HPSE2: variants seen among roughly 807,000 people sequenced by gnomAD.
HPSE2 encodes the protein heparanase 2 (inactive).
Under a neutral mutation model 60.5 loss-of-function variants are expected in HPSE2, and 38 were observed. The observed-to-expected ratio is 0.63, with a 90% CI of 0.48 to 0.82. HPSE2 has a LOEUF of 0.82. Ranked by LOEUF, HPSE2 falls within the 40% of genes least tolerant of loss-of-function variation. The pLI, the probability that HPSE2 is intolerant of heterozygous loss-of-function variation, is 0.00. For missense variants in HPSE2, 713 were observed against 740.4 expected (o/e 0.96, Z 0.43); for synonymous variants, 295 against 293.2 (o/e 1.01, Z -0.06).
chr10:98,497,913 T>C (rs1184872452), intron 9 of HPSE2, among the ~76,000 whole-genome samples: 4 of 152,246 alleles, frequency 2.6e-5, no homozygotes, highest in African/African-American at 9.6e-5. Context: ...AGGATGCTTA[T>C]AGAAGTCATG....
In HPSE2 at chr10:98,721,694, C is replaced by T. The variant is rs1420529649; in HGVS notation, c.919G>A (p.Gly307Arg). Reference protein sequence around the residue: ...SRASLYGPNIGRPRKNVIALL... With the variant: ...SRASLYGPNIRRPRKNVIALL... Reference sequence around the variant, plus strand: ...GCGATGACATTCTTCCTCGGCCGCCCAATATTAGGGCCATATAAGCTGGCT... The same window carrying T: ...GCGATGACATTCTTCCTCGGCCGCCTAATATTAGGGCCATATAAGCTGGCT... Residue 307 changes from glycine to arginine, a missense_variant, in exon 5 of 12, where the codon GGG becomes AGG. Physicochemically the swap from Gly to Arg is moderately radical, Grantham distance 125. Transcript: ENST00000370552. 2 of 1,613,578 alleles carry T rather than the reference C, an allele frequency of 1.2e-6. No individual in the cohort carries two copies. Among genetic ancestry groups the T allele is most frequent in the Non-Finnish European group, 1.7e-6 (2 of 1,179,848 alleles).
At chr10:99,109,429 G>A (rs1297258552) in intron 3 of HPSE2, among the ~76,000 whole-genome samples, 1 of 152,066 alleles carries the variant, frequency 6.6e-6, no homozygotes, top group East Asian at 1.9e-4. Context: ...AGTACTAAAT[G>A]CTAAAATGAT....
At chr10:99,173,424 A>G (rs1847394882) in intron 2 of HPSE2, among the ~76,000 whole-genome samples, 1 of 152,170 alleles carries the variant, frequency 6.6e-6, no homozygotes, top group South Asian at 2.1e-4. Context: ...AAATACTTCA[A>G]AGTTTTCCTT....
At chr10:98,475,313 G>C (rs1940962587) in intron 11 of HPSE2, among the ~76,000 whole-genome samples, 1 of 151,910 alleles carries the variant, frequency 6.6e-6, no homozygotes, top group Non-Finnish European at 1.5e-5. Context: ...GTACAGACGG[G>C]GTTTCACCAT....
At chr10:98,914,033 G>A (rs550265454) in intron 3 of HPSE2, among the ~76,000 whole-genome samples, 1 of 152,124 alleles carries the variant, frequency 6.6e-6, no homozygotes, top group Admixed American at 6.5e-5. Context: ...AAAAATAAGA[G>A]GTTGATATGG....
intron 3 of HPSE2, among the ~76,000 whole-genome samples, chr10:98,985,198 C>A (rs1956311269): frequency 6.6e-6 from 1 of 152,058 alleles, no homozygotes; most frequent in Admixed American, 6.6e-5. Context: ...GTCAGATTCA[C>A]CAAAGTTGAA....
chr10:98,970,119 A>G (rs375803030), intron 3 of HPSE2, among the ~76,000 whole-genome samples: 172 of 152,092 alleles, frequency 1.1e-3, no homozygotes, highest in African/African-American at 4.0e-3. Flanking sequence ...CCGCCACCAC[A>G]CCAGGCTAAT....
In HPSE2 at chr10:99,181,397, C is replaced by CAAAAAAA. The variant is rs58049545; in HGVS notation, c.449-37005_449-36999dup. Among the ~76,000 whole-genome samples the CAAAAAAA allele has an allele frequency of 4.7e-4, 49 of 104,752 alleles. 2 individuals are homozygous for CAAAAAAA. Among genetic ancestry groups the CAAAAAAA allele is most frequent in the Middle Eastern group, 9.9e-3 (2 of 202 alleles). The allele number at this position is 104,752 out of a possible 152,430, so 68.7% of individuals were successfully genotyped here. On this transcript the variant is annotated intron_variant, in intron 2 of 11. Coordinates refer to ENST00000370552, the MANE Select transcript of HPSE2 (RefSeq NM_021828.5). ...TGGGCGACAGAGCGAGACTCCGTCT[C>CAAAAAAA]AAAAAAAAAAAAAAAAAAAAAAAAG... is the stretch of plus-strand genomic sequence containing the variant.
chr10:99,289,415 T>C, the HPSE2 span, among the ~76,000 whole-genome samples: 1 of 152,324 alleles, frequency 6.6e-6, no homozygotes, highest in Admixed American at 6.5e-5. Flanking sequence ...TCCTTTACTT[T>C]TCACATCCTA....
intron 3 of HPSE2, among the ~76,000 whole-genome samples, chr10:99,098,062 T>C (rs1843783347): frequency 6.6e-6 from 1 of 152,228 alleles, no homozygotes. Context: ...GTCATTCAAT[T>C]CTGACACAAA....
chr10:98,826,477 G>C (rs977674731), intron 3 of HPSE2, among the ~76,000 whole-genome samples: 1 of 152,170 alleles, frequency 6.6e-6, no homozygotes, highest in African/African-American at 2.4e-5. Context: ...TCATAGAAAG[G>C]TTGGGGTATA....
intron 3 of HPSE2, among the ~76,000 whole-genome samples, chr10:98,985,034 C>G (rs892053077): frequency 1.3e-5 from 2 of 152,098 alleles, no homozygotes; most frequent in African/African-American, 2.4e-5. Context: ...CTGAAAGTGA[C>G]AGGGAGAATG....
the HPSE2 span, among the ~76,000 whole-genome samples, chr10:99,277,314 T>A: frequency 1.8e-4 from 28 of 152,380 alleles, no homozygotes; most frequent in African/African-American, 5.5e-4. Flanking sequence ...TTACACCACT[T>A]TGAGAAAATC....
chr10:98,834,016 A>G (rs910353671), intron 3 of HPSE2, among the ~76,000 whole-genome samples: 1 of 152,196 alleles, frequency 6.6e-6, no homozygotes. Flanking sequence ...TACCTTTAAA[A>G]TGCTACTGAT....
rs930810260 is a variant in HPSE2 at position 98,929,455 on chromosome 10, C to A, written c.611-185399G>T. On this transcript the variant is annotated intron_variant, in intron 3 of 11. Transcript: ENST00000370552. ...AGATAATACTCAAGATCCTTTCTGG[C>A]CCTATTGATCCAGGTTTTTACATAC... Among the ~76,000 whole-genome samples the A allele has an allele frequency of 3.5e-5, 5 of 143,772 alleles. 1 individual carries two copies. The highest frequency in any genetic ancestry group is 4.2e-4 in the South Asian group (2 of 4,730). 94.3% of individuals were successfully genotyped at this position (143,772 alleles called of 152,430 possible).
At chr10:98,946,402 G>T (rs916828658) in intron 3 of HPSE2, among the ~76,000 whole-genome samples, 10 of 149,528 alleles carry the variant, frequency 6.7e-5, no homozygotes, top group Non-Finnish European at 1.2e-4. Flanking sequence ...CAGCCCACGA[G>T]TTTTAGACTG....
At chr10:98,532,088 G>A (rs1403172902) in intron 9 of HPSE2, among the ~76,000 whole-genome samples, 1 of 151,712 alleles carries the variant, frequency 6.6e-6, no homozygotes, top group Non-Finnish European at 1.5e-5. Context: ...ATTTCAAGAG[G>A]GCCCTTCCTA....
At chr10:99,057,469 G>T (rs966892773) in intron 3 of HPSE2, among the ~76,000 whole-genome samples, 1 of 152,166 alleles carries the variant, frequency 6.6e-6, no homozygotes, top group African/African-American at 2.4e-5. Context: ...GCAACAGCAT[G>T]GGATTTGATC....
intron 3 of HPSE2, among the ~76,000 whole-genome samples, chr10:99,121,043 A>T (rs958345272): frequency 8.5e-5 from 13 of 152,338 alleles, no homozygotes; most frequent in Admixed American, 7.2e-4. Context: ...TAGCAAAAAC[A>T]TAAAATCAAC....
Sources: allele counts gnomAD v4.1 joint callset (sites outside exome capture counted in the v4.1 genomes callset), GRCh38; gene constraint gnomAD v4.1.1; transcripts MANE v1.5; gene names NCBI Gene and HGNC (gene_info 2026-07-23, HGNC 2026-07-21).